CSAD: variants seen among roughly 807,000 people sequenced by gnomAD.
The protein encoded by CSAD is cysteine sulfinic acid decarboxylase, also known as P-selectin cytoplasmic tail-associated protein.
In CSAD, 47 loss-of-function variants were observed where a neutral mutation model predicts 61.5. The ratio of observed to expected loss-of-function variants is 0.76; its 90% CI spans 0.60 to 0.97. The LOEUF is 0.97. CSAD is among the 50% of genes least tolerant of loss of function. The pLI is 0.00. For synonymous variants in CSAD, 245 were observed against 252.7 expected (o/e 0.97, Z 0.29); for missense variants, 611 against 643.6 (o/e 0.95, Z 0.55).
chr12:53,173,186 C>T (rs1227831061), intron 4 of CSAD, 159 bp downstream of exon 4: 6 of 690,006 alleles, frequency 8.7e-6, no homozygotes, highest in East Asian at 6.1e-5. Context: ...CCAGCCTGGC[C>T]GATAGAGCGA....
chr12:53,161,024 C>T, intron 12 of CSAD, 103 bp downstream of exon 12: 1 of 1,269,880 alleles, frequency 7.9e-7, no homozygotes, highest in Non-Finnish European at 1.1e-6. Flanking sequence ...GTCCCCCTCC[C>T]CTCAGCCTCC....
At chr12:53,180,538 G>T in intron 1 of CSAD, 194 bp downstream of exon 1, 1 of 1,278,442 alleles carries the variant, frequency 7.8e-7, no homozygotes, top group Non-Finnish European at 1.0e-6. Flanking sequence ...CCTCCTCCAT[G>T]CCCTCGGCGC....
At position 53,159,615 on chromosome 12, in the gene CSAD, A is replaced by T. The variant is rs116807540; in HGVS notation, c.1308+8T>A. The stretch of plus-strand genomic sequence containing the variant: ...TAACGGGTAAAGAGAGCAGCACAGC[A>T]CGCCTACCTTTGACAGCCTTTCGTG... On this transcript the variant is annotated splice_region_variant and intron_variant, in intron 16 of 16. Coordinates refer to ENST00000444623, the MANE Select transcript of CSAD (RefSeq NM_001244705.2). 244 of 1,607,806 alleles carry T rather than the reference A, an allele frequency of 1.5e-4. No individual in the cohort carries two copies. In the African/African-American group the frequency reaches 3.0e-3, roughly 20 times the overall value.
At position 53,171,972 on chromosome 12, in the gene CSAD, C is replaced by T. The variant is rs138203066; in HGVS notation, c.361G>A (p.Ala121Thr). The T allele has an allele frequency of 1.2e-5, 20 of 1,613,424 alleles. No individual in the cohort carries two copies. Among genetic ancestry groups the T allele is most frequent in the East Asian group, 4.5e-5 (2 of 44,870 alleles). Residue 121 changes from alanine (A) to threonine (T), a missense_variant, in exon 7 of 17, where the codon GCC (alanine) becomes ACC (threonine). Ala to Thr is a moderately conservative substitution (Grantham distance 58). Coordinates refer to ENST00000444623, the MANE Select transcript of CSAD (RefSeq NM_001244705.2). ...LNTSQYTYEI[A>T]PVFVLMEEEV... is the part of the protein sequence containing the mutation. The stretch of plus-strand genomic sequence containing the variant: ...TCTTCCATGAGCACAAACACGGGGG[C>T]GATTTCATATGTGTACCTGCCAGGA...
At chr12:53,160,620 C>T (rs1319129387) in intron 13 of CSAD, 143 bp downstream of exon 13, 2 of 762,396 alleles carry the variant, frequency 2.6e-6, no homozygotes, top group South Asian at 1.8e-5. Flanking sequence ...GAGCCTAATA[C>T]AGGTTAGGGT....
intron 2 of CSAD, among the ~76,000 whole-genome samples, chr12:53,176,903 T>C (rs574266480): frequency 1.1e-4 from 16 of 152,058 alleles, no homozygotes; most frequent in African/African-American, 3.9e-4. Context: ...GGGTTAATTT[T>C]TTAATTTTTT....
rs1285677736 is a variant in CSAD at position 53,164,982 on chromosome 12, CAAT to C, written c.703-3596_703-3594del. 2.0e-5 allele frequency among the ~76,000 whole-genome samples: 3 copies of C among 152,292 alleles called. No individual in the cohort carries two copies. The East Asian group carries it at 5.8e-4, about 29-fold the overall frequency. On this transcript the variant is annotated intron_variant, in intron 10 of 16. Transcript: ENST00000444623. Reference sequence around the variant, plus strand: ...ATTAGGGAAATACAAATCAAAACTACAATGAGTTACCACCTCACACCTATTAGG... The same window carrying C: ...ATTAGGGAAATACAAATCAAAACTACGAGTTACCACCTCACACCTATTAGG...
chr12:53,159,369 T>A (rs560554979), intron 16 of CSAD, among the ~76,000 whole-genome samples: 2 of 152,192 alleles, frequency 1.3e-5, no homozygotes, highest in Non-Finnish European at 2.9e-5. Flanking sequence ...CCCAGCCCAA[T>A]TGCCAGCACA....
chr12:53,175,833 T>G (rs1426353471), intron 2 of CSAD, among the ~76,000 whole-genome samples: 1 of 152,260 alleles, frequency 6.6e-6, no homozygotes, highest in Non-Finnish European at 1.5e-5. Flanking sequence ...TATTTGACCT[T>G]CACAATAGTA....
At chr12:53,177,271 A>G (rs746410258) in intron 2 of CSAD, among the ~76,000 whole-genome samples, 2 of 152,222 alleles carry the variant, frequency 1.3e-5, no homozygotes, top group Non-Finnish European at 2.9e-5. Flanking sequence ...AATAGTAAAC[A>G]TCCCTGGCTT....
chr12:53,172,673 G>C, intron 4 of CSAD, 25 bp from the exon 5 acceptor site: 1 of 1,594,042 alleles, frequency 6.3e-7, no homozygotes, highest in Non-Finnish European at 8.5e-7. Context: ...GGGGATGCTG[G>C]GGGCCTGGGA....
At position 53,160,287 on chromosome 12, in the gene CSAD, G is replaced by A. The variant is rs2121386259; in HGVS notation, c.999C>T (p.Ala333=). ...NLLKRCHGSQ[A]SYLFQQDKFY... is the part of the protein sequence containing the mutation. Reference sequence around the variant, plus strand: ...ACTTGTCCTGCTGGAAAAGGTAGCTGGCCTGGGACCCATGGCAGCGCTTGA... The same window carrying A: ...ACTTGTCCTGCTGGAAAAGGTAGCTAGCCTGGGACCCATGGCAGCGCTTGA... Residue 333 remains alanine (A), a synonymous_variant, in exon 14 of 17, where the codon GCC becomes GCT. Coordinates refer to ENST00000444623, the MANE Select transcript of CSAD (RefSeq NM_001244705.2). 1 of 1,614,182 alleles carries A rather than the reference G, an allele frequency of 6.2e-7. No individual in the cohort carries two copies. Among genetic ancestry groups the A allele is most frequent in the Non-Finnish European group, 8.5e-7 (1 of 1,180,030 alleles).
chr12:53,160,937 C>A, intron 12 of CSAD, 93 bp from the exon 13 acceptor site: 1 of 1,280,790 alleles, frequency 7.8e-7, no homozygotes, highest in South Asian at 1.3e-5. Flanking sequence ...AGCAAAGGGG[C>A]TTTGGTCTCA....
upstream of CSAD, chr12:53,181,118 C>A (rs958038093): frequency 9.3e-6 from 9 of 967,704 alleles, no homozygotes; most frequent in East Asian, 9.2e-4. Context: ...CGGCTCTGCT[C>A]CCGGTTGGTG....
At chr12:53,168,157 C>A (rs1940138678) in intron 10 of CSAD, among the ~76,000 whole-genome samples, 1 of 152,178 alleles carries the variant, frequency 6.6e-6, no homozygotes, top group Admixed American at 6.5e-5. Flanking sequence ...CCAGAATTCA[C>A]AACAGGCAAA....
At chr12:53,173,703 C>T in intron 3 of CSAD, 25 bp downstream of exon 3, 1 of 1,568,852 alleles carries the variant, frequency 6.4e-7, no homozygotes, top group Non-Finnish European at 8.8e-7. Context: ...GTGGCCATTT[C>T]CACCTAAGGC....
chr12:53,161,388 C>A lies in CSAD; in HGVS notation c.704G>T (p.Gly235Val), dbSNP rs1939263712. ...ERQIGMAEAE[G>V]AVPFLVSATS... ...GGCACTGACCAGGAACGGCACAGCA[C>A]CCTGTTGCCAAAATGTAGAGGGAGA... Residue 235 changes from glycine (G) to valine (V), a missense_variant and splice_region_variant, in exon 11 of 17, where the codon GGT (glycine) becomes GTT (valine). By Grantham distance (109) the Gly-to-Val change is moderately radical. Coordinates refer to ENST00000444623, the MANE Select transcript of CSAD (RefSeq NM_001244705.2). 1.2e-6 allele frequency: 2 copies of A among 1,610,358 alleles called. No homozygotes were observed. The highest frequency in any genetic ancestry group is 1.7e-6 in the Non-Finnish European group (2 of 1,177,230).
intron 2 of CSAD, among the ~76,000 whole-genome samples, chr12:53,174,754 T>C (rs1402608593): frequency 6.6e-6 from 1 of 152,150 alleles, no homozygotes; most frequent in Non-Finnish European, 1.5e-5. Flanking sequence ...ATGGTACCAC[T>C]GCACTCCAGC....
At chr12:53,171,797 C>T (rs1940613647) in intron 7 of CSAD, 85 bp downstream of exon 7, 1 of 935,524 alleles carries the variant, frequency 1.1e-6, no homozygotes, top group African/African-American at 1.6e-5. Context: ...ATCATCCCTC[C>T]CTGCCAGACA....
Sources: gnomAD v4.1 joint callset for allele counts (sites outside exome capture counted in the v4.1 genomes callset) on GRCh38, gnomAD v4.1.1 for gene constraint, MANE v1.5 for transcripts, NCBI Gene and HGNC (gene_info 2026-07-23, HGNC 2026-07-21) for gene names.